BACE2: variants seen among roughly 807,000 people sequenced by gnomAD.
The protein encoded by BACE2 is beta-secretase 2, also known as 56 kDa aspartic-like protease.
BACE2 carries 17 observed loss-of-function variants against 46.2 expected under a neutral mutation model. The observed-to-expected ratio is 0.37, with a 90% CI of 0.25 to 0.55. The LOEUF (loss-of-function observed/expected upper bound fraction) is 0.55, where lower values mean the gene tolerates loss of function less well. Ranked by LOEUF, BACE2 falls within the 20% of genes least tolerant of loss-of-function variation. The pLI is 0.82. For synonymous variants in BACE2, 277 were observed against 295.9 expected, an observed-to-expected ratio of 0.94 and a Z score of 0.66; for missense variants, 595 against 698.1, an observed-to-expected ratio of 0.85 and a Z score of 1.66.
chr21:41,265,528 T>A (rs1425802811), intron 8 of BACE2, among the ~76,000 whole-genome samples: 1 of 152,126 alleles, frequency 6.6e-6, no homozygotes, highest in Non-Finnish European at 1.5e-5. Context: ...GATCTCGGTG[T>A]AGTTTTAATT....
At chr21:41,268,287 G>A (rs2088400050) in intron 8 of BACE2, among the ~76,000 whole-genome samples, 1 of 152,148 alleles carries the variant, frequency 6.6e-6, no homozygotes, top group African/African-American at 2.4e-5. Flanking sequence ...AGCTAGGATT[G>A]GAACCCCAGA....
chr21:41,197,103 A>G (rs940198995), intron 1 of BACE2, among the ~76,000 whole-genome samples: 2 of 151,938 alleles, frequency 1.3e-5, no homozygotes, highest in African/African-American at 4.8e-5. Context: ...CTGGGACCAC[A>G]GGTGCATGCC....
chr21:41,179,723 A>C, intron 1 of BACE2: 1 of 1,185,876 alleles, frequency 8.4e-7, no homozygotes, highest in Non-Finnish European at 1.1e-6. Context: ...ACAGGCAATT[A>C]AAAAGGAGAA....
chr21:41,233,070 G>C (rs185302958), intron 2 of BACE2, among the ~76,000 whole-genome samples: 1 of 151,954 alleles, frequency 6.6e-6, no homozygotes, highest in African/African-American at 2.4e-5. Context: ...GGGTTTCACC[G>C]TGTTAGCCAG....
At chr21:41,231,398 C>G (rs1381391903) in intron 2 of BACE2, among the ~76,000 whole-genome samples, 6 of 152,168 alleles carry the variant, frequency 3.9e-5, no homozygotes, top group Non-Finnish European at 2.9e-5. Flanking sequence ...ATTTCAGACC[C>G]TGAGAGCCCC....
At chr21:41,221,537 G>A (rs902789414) in intron 1 of BACE2, among the ~76,000 whole-genome samples, 2 of 152,082 alleles carry the variant, frequency 1.3e-5, no homozygotes, top group Admixed American at 6.5e-5. Flanking sequence ...ACAAATGTGT[G>A]AGTGTCGGCC....
intron 1 of BACE2, among the ~76,000 whole-genome samples, chr21:41,211,835 C>T (rs1986311880): frequency 1.3e-5 from 2 of 152,202 alleles, no homozygotes; most frequent in African/African-American, 4.8e-5. Context: ...TTTAATGCAA[C>T]ATTTTACCTT....
chr21:41,235,326 A>G (rs1475253323), intron 2 of BACE2, among the ~76,000 whole-genome samples: 2 of 152,212 alleles, frequency 1.3e-5, no homozygotes, highest in African/African-American at 4.8e-5. Context: ...AGCGCATCAT[A>G]TGGATATGCT....
intron 5 of BACE2, among the ~76,000 whole-genome samples, chr21:41,245,491 G>A (rs1987439045): frequency 1.3e-5 from 2 of 152,256 alleles, no homozygotes; most frequent in South Asian, 4.1e-4. Flanking sequence ...TGTTCCCAGT[G>A]CAAATATGGG....
chr21:41,240,230 C>A (rs988746030), intron 3 of BACE2, among the ~76,000 whole-genome samples: 2 of 152,126 alleles, frequency 1.3e-5, no homozygotes, highest in African/African-American at 4.8e-5. Context: ...TGTGGTGGCC[C>A]CTGGTCCATT....
intron 7 of BACE2, among the ~76,000 whole-genome samples, chr21:41,255,257 C>T (rs956580029): frequency 1.3e-5 from 2 of 152,120 alleles, no homozygotes; most frequent in Non-Finnish European, 2.9e-5. Context: ...AATGGTGGCC[C>T]AGGTCTGGGC....
chr21:41,247,272 C>T (rs1367607589), intron 6 of BACE2, among the ~76,000 whole-genome samples: 1 of 152,034 alleles, frequency 6.6e-6, no homozygotes, highest in East Asian at 1.9e-4. Context: ...GAAACGGACA[C>T]AGAGGGGGAA....
At chr21:41,199,084 A>G (rs147441902) in intron 1 of BACE2, among the ~76,000 whole-genome samples, 4,919 of 128,676 alleles carry the variant, frequency 0.038, 259 homozygotes, top group African/African-American at 0.13. Flanking sequence ...AAGTGTTCTC[A>G]TTGCTCACTT....
Position 41,261,274 on chromosome 21 carries a change from A to G in BACE2, c.1303+3948A>G, listed in dbSNP as rs114952639. Among the ~76,000 whole-genome samples, 913 of 152,292 alleles carry G rather than the reference A, an allele frequency of 6.0e-3. 9 individuals are homozygous for G. Among genetic ancestry groups the G allele is most frequent in the African/African-American group, 0.02 (841 of 41,564 alleles). On this transcript the variant is annotated intron_variant, in intron 8 of 8. Coordinates refer to ENST00000330333, the MANE Select transcript of BACE2 (RefSeq NM_012105.5). ...ATGAGAATTTCCATTCCCTAAAAGC[A>G]TGACTGTATTTGTTTTGTCTTTGTG...
At chr21:41,229,228 C>T (rs1036256548) in intron 2 of BACE2, among the ~76,000 whole-genome samples, 1 of 152,236 alleles carries the variant, frequency 6.6e-6, no homozygotes, top group East Asian at 1.9e-4. Context: ...CACGTTTCCC[C>T]CTCACTGGGG....
At position 41,168,470 on chromosome 21, in the gene BACE2, G is replaced by A; in HGVS notation, c.207G>A (p.Ala69=). The A allele has an allele frequency of 3.6e-6, 5 of 1,387,938 alleles. No homozygotes were observed. The highest frequency in any genetic ancestry group is 4.7e-6 in the Non-Finnish European group (5 of 1,067,514). 86.0% of individuals were successfully genotyped at this position (1,387,938 alleles called of 1,614,324 possible). ...GLALALEPAL[A]SPAGAANFLA... ...CGCTCGCCCTGGAGCCTGCCCTGGC[G>A]TCCCCCGCGGGCGCCGCCAACTTCT... Residue 69 remains alanine (A), a synonymous_variant, in exon 1 of 9, where the codon GCG becomes GCA. Coordinates refer to ENST00000330333, the MANE Select transcript of BACE2 (RefSeq NM_012105.5).
At position 41,207,622 on chromosome 21, in the gene BACE2, C is replaced by T. The variant is rs561527134; in HGVS notation, c.313-18644C>T. ...TTGTTCTCTCTCTCTGCCTCCCCAACCCCGCCCCACTGATCTCCCTCCTGG... is the reference window on the plus strand; with the variant it reads ...TTGTTCTCTCTCTCTGCCTCCCCAATCCCGCCCCACTGATCTCCCTCCTGG... On this transcript the variant is annotated intron_variant, in intron 1 of 8. Coordinates refer to ENST00000330333, the MANE Select transcript of BACE2 (RefSeq NM_012105.5). Among the ~76,000 whole-genome samples, 86 of 152,090 alleles carry T rather than the reference C, an allele frequency of 5.7e-4. 3 individuals are homozygous for T. The South Asian group carries it at 0.017, about 31-fold the overall frequency.
chr21:41,273,574 TG>T (rs1387203869), intron 8 of BACE2, among the ~76,000 whole-genome samples: 2 of 152,256 alleles, frequency 1.3e-5, no homozygotes, highest in Non-Finnish European at 2.9e-5. Flanking sequence ...TTATCTCCTT[TG>T]TTCCCTGAAC....
intron 8 of BACE2, among the ~76,000 whole-genome samples, chr21:41,269,001 C>T (rs2088407138): frequency 6.6e-6 from 1 of 151,990 alleles, no homozygotes. Context: ...TTTGCCCAGG[C>T]TTGATTGCAA....
Sources: gnomAD v4.1 joint callset for allele counts (sites outside exome capture counted in the v4.1 genomes callset) on GRCh38, gnomAD v4.1.1 for gene constraint, MANE v1.5 for transcripts, NCBI Gene and HGNC (gene_info 2026-07-23, HGNC 2026-07-21) for gene names.